Variants in PCDHGA5 observed in about 807,000 individuals in gnomAD.
PCDHGA5 encodes the protein protocadherin gamma-A5.
PCDHGA5 carries 36 observed loss-of-function variants against 56.7 expected under a neutral mutation model. The observed-to-expected ratio is 0.64, with a 90% confidence interval of 0.49 to 0.84. The LOEUF (loss-of-function observed/expected upper bound fraction) is 0.84. Ranked by LOEUF, PCDHGA5 falls within the 40% of genes least tolerant of loss-of-function variation. PCDHGA5 has a pLI of 0.00. For synonymous variants in PCDHGA5, 563 were observed against 520.2 expected (o/e 1.08, Z -1.12); for missense variants, 1,305 against 1,201.5 (o/e 1.09, Z -1.27).
chr5:141,481,913 C>CAAAAAAAAAAAAA (rs34114744), intron 1 of PCDHGA5, among the ~76,000 whole-genome samples: 1 of 90,852 alleles, frequency 1.1e-5, no homozygotes. Flanking sequence ...AACTCCATCT[C>CAAAAAAAAAAAAA]AAAAAAAAAA....
intron 1 of PCDHGA5, chr5:141,418,974 G>C (rs754074516): frequency 1.0e-4 from 167 of 1,613,818 alleles, no homozygotes; most frequent in Non-Finnish European, 1.4e-4. Flanking sequence ...TTCAAAACAC[G>C]GGACCAAGAC....
chr5:141,498,625 T>C (rs1327552423), intron 2 of PCDHGA5, among the ~76,000 whole-genome samples: 1 of 152,176 alleles, frequency 6.6e-6, no homozygotes, highest in Non-Finnish European at 1.5e-5. Context: ...TGGGTCACAC[T>C]GCCTAGACAG....
chr5:141,390,650 G>A lies in PCDHGA5; in HGVS notation c.2421+23899G>A, dbSNP rs750733568. ...TATGATGAATACTTTTTTCAGCTTG[G>A]ATATACCATAAATATAAAAATAATA... On this transcript the variant is annotated intron_variant, in intron 1 of 3. Coordinates refer to ENST00000518069, the MANE Select transcript of PCDHGA5 (RefSeq NM_018918.3). 69 of 210,892 alleles carry A rather than the reference G, an allele frequency of 3.3e-4. 1 individual carries two copies. The highest frequency in any genetic ancestry group is 5.4e-4 in the Non-Finnish European group (57 of 106,318). The allele number at this position is 210,892 out of a possible 1,614,324, so 13.1% of individuals were successfully genotyped here.
chr5:141,448,894 G>A (rs2098614669), intron 1 of PCDHGA5, among the ~76,000 whole-genome samples: 2 of 152,098 alleles, frequency 1.3e-5, no homozygotes, highest in South Asian at 4.1e-4. Context: ...GCAGTGAGCC[G>A]AGATCGTGCC....
intron 1 of PCDHGA5, among the ~76,000 whole-genome samples, chr5:141,437,490 A>C (rs549866784): frequency 6.6e-6 from 1 of 152,190 alleles, no homozygotes; most frequent in African/African-American, 2.4e-5. Flanking sequence ...AATCTCGTAG[A>C]TCACTTTTCA....
chr5:141,501,475 G>A (rs1305778190), intron 2 of PCDHGA5, among the ~76,000 whole-genome samples: 5 of 152,014 alleles, frequency 3.3e-5, no homozygotes, highest in Admixed American at 3.3e-4. Flanking sequence ...AATCCTGGAA[G>A]AGTCCCTCAT....
At chr5:141,441,663 G>A (rs777315226) in intron 1 of PCDHGA5, 20 of 260,482 alleles carry the variant, frequency 7.7e-5, no homozygotes, top group Non-Finnish European at 1.2e-4. Context: ...GTCCTTGAGC[G>A]CACAGTGCGC....
intron 1 of PCDHGA5, chr5:141,388,082 G>A (rs2091230905): frequency 2.9e-6 from 4 of 1,367,298 alleles, no homozygotes; most frequent in Non-Finnish European, 4.0e-6. Flanking sequence ...CTCGAAAACT[G>A]CGCGTCAGTT....
chr5:141,389,144 T>C, intron 1 of PCDHGA5: 1 of 1,614,020 alleles, frequency 6.2e-7, no homozygotes, highest in Non-Finnish European at 8.5e-7. Flanking sequence ...ATATAACCGT[T>C]ACGGCAACAG....
chr5:141,402,867 C>T, intron 1 of PCDHGA5: 2 of 1,443,510 alleles, frequency 1.4e-6, no homozygotes, highest in Non-Finnish European at 1.8e-6. Context: ...AGGAAAAGAT[C>T]ACCATACTTT....
In PCDHGA5 at chr5:141,402,676, C is replaced by T. The variant is rs746643713; in HGVS notation, c.2421+35925C>T. 2.0e-5 allele frequency among the ~76,000 whole-genome samples: 3 copies of T among 152,282 alleles called. No homozygotes were observed. The East Asian group carries it at 5.8e-4, about 29-fold the overall frequency. ...GAGTAGTGTTTTCTTTATCAGCCAT[C>T]TGATATAATGTTACACATCAGTGGG... On this transcript the variant is annotated intron_variant, in intron 1 of 3. Transcript: ENST00000518069.
In PCDHGA5 at chr5:141,489,180, CTGGGTCTACCT is replaced by C. The variant is rs906371381; in HGVS notation, c.2422-5623_2422-5613del. 6.3e-5 allele frequency: 79 copies of C among 1,259,748 alleles called. No individual in the cohort carries two copies. The African/African-American group carries it at 9.3e-4, about 15-fold the overall frequency. 78.0% of individuals were successfully genotyped at this position (1,259,748 alleles called of 1,614,324 possible). ...GACTTCAGCTGCTGCATTCCAAGCCCTGGGTCTACCTTGGAGACAGGACAGCACAGACTTAC... is the reference window on the plus strand; with the variant it reads ...GACTTCAGCTGCTGCATTCCAAGCCCTGGAGACAGGACAGCACAGACTTAC... On this transcript the variant is annotated intron_variant, in intron 1 of 3. Coordinates refer to ENST00000518069, the MANE Select transcript of PCDHGA5 (RefSeq NM_018918.3). This position sits in a 1 kb window ranked among gnomAD's most constrained non-coding sequence, Gnocchi z 4.5.
chr5:141,418,434 C>T, intron 1 of PCDHGA5: 5 of 1,613,944 alleles, frequency 3.1e-6, no homozygotes, highest in Non-Finnish European at 4.2e-6. Context: ...GGCAAATATC[C>T]AGAATTAGTA....
At position 141,485,325 on chromosome 5, in the gene PCDHGA5, A is replaced by T; in HGVS notation, c.2422-9482A>T. 6.2e-7 allele frequency: 1 copy of T among 1,614,078 alleles called. No homozygotes were observed. Among genetic ancestry groups the T allele is most frequent in the Non-Finnish European group, 8.5e-7 (1 of 1,180,014 alleles). ...ACTTTTGTAGGGAATGTCGCTCAAG[A>T]TTTCCTGCTGGATACGGACAGTCTG... is the stretch of plus-strand genomic sequence containing the variant. On this transcript the variant is annotated intron_variant, in intron 1 of 3. Coordinates refer to ENST00000518069, the MANE Select transcript of PCDHGA5 (RefSeq NM_018918.3). This position sits in a 1 kb window ranked among gnomAD's most constrained non-coding sequence, Gnocchi z 5.7.
At position 141,486,370 on chromosome 5, in the gene PCDHGA5, T is replaced by C. The variant is rs755925357; in HGVS notation, c.2422-8437T>C. Reference sequence around the variant, plus strand: ...ACCACTTGCCATTTGCCCTCAAGTCTGCCTTCAGGAACCAGTTCTCCCTGG... The same window carrying C: ...ACCACTTGCCATTTGCCCTCAAGTCCGCCTTCAGGAACCAGTTCTCCCTGG... On this transcript the variant is annotated intron_variant, in intron 1 of 3. Coordinates refer to ENST00000518069, the MANE Select transcript of PCDHGA5 (RefSeq NM_018918.3). The surrounding 1 kb of genome is among the most constrained non-coding windows in gnomAD (Gnocchi z 5.0). 8 of 1,613,988 alleles carry C rather than the reference T, an allele frequency of 5.0e-6. No individual in the cohort carries two copies. The Admixed American group carries it at 1.3e-4, about 27-fold the overall frequency.
chr5:141,384,504 T>C (rs941539151), intron 1 of PCDHGA5: 1 of 1,614,048 alleles, frequency 6.2e-7, no homozygotes, highest in African/African-American at 1.3e-5. Context: ...TGACTGCACA[T>C]GACAGCGGGG....
At chr5:141,496,782 C>T (rs552953558) in intron 2 of PCDHGA5, among the ~76,000 whole-genome samples, 16 of 152,136 alleles carry the variant, frequency 1.1e-4, no homozygotes, top group South Asian at 2.1e-4. Context: ...TGAGCAGGGC[C>T]CTGTGCTAAA....
At chr5:141,369,409 A>G (rs1468517805) in intron 1 of PCDHGA5, among the ~76,000 whole-genome samples, 1 of 152,194 alleles carries the variant, frequency 6.6e-6, no homozygotes, top group Non-Finnish European at 1.5e-5. Flanking sequence ...GTTCATGACT[A>G]TAATCCCAGC....
chr5:141,419,523 G>T (rs553587727), intron 1 of PCDHGA5: 21 of 1,612,086 alleles, frequency 1.3e-5, no homozygotes, highest in East Asian at 2.2e-5. Flanking sequence ...GTGGGCGACC[G>T]TAACGACAAC....
Sources: gnomAD v4.1 joint callset for allele counts (sites outside exome capture counted in the v4.1 genomes callset) on GRCh38, gnomAD v4.1.1 for gene constraint, Gnocchi (gnomAD v3.1) non-coding constraint, MANE v1.5 for transcripts, NCBI Gene and HGNC (gene_info 2026-07-23, HGNC 2026-07-21) for gene names.